Variants in FBXW11 observed in about 807,000 individuals in gnomAD.
FBXW11 encodes F-box/WD repeat-containing protein 11.
A neutral mutation model predicts 77.6 loss-of-function variants in FBXW11; 19 were observed. The ratio of observed to expected loss-of-function variants is 0.24; its 90% CI spans 0.17 to 0.36. The LOEUF (loss-of-function observed/expected upper bound fraction) is 0.36, where lower values mean the gene tolerates loss of function less well. FBXW11 is among the 10% of genes least tolerant of loss of function. The probability of loss-of-function intolerance (pLI) is 1.00; values close to 1 mark genes in which losing one functional copy is unlikely to be tolerated. For missense variants in FBXW11, 334 were observed against 704.2 expected (o/e 0.47, Z 5.95); for synonymous variants, 235 against 249.4 (o/e 0.94, Z 0.54).
chr5:171,972,782 T>G (rs548013827), intron 1 of FBXW11, among the ~76,000 whole-genome samples: 105 of 152,194 alleles, frequency 6.9e-4, no homozygotes, highest in Non-Finnish European at 1.4e-3. Flanking sequence ...TGACCTCAGG[T>G]GATCCACCCA....
intron 1 of FBXW11, among the ~76,000 whole-genome samples, chr5:172,001,239 T>G (rs1317123786): frequency 6.6e-6 from 1 of 151,984 alleles, no homozygotes; most frequent in Non-Finnish European, 1.5e-5. Flanking sequence ...TGCTGAGGAG[T>G]AACAGGGCAA....
intron 7 of FBXW11, among the ~76,000 whole-genome samples, chr5:171,883,774 T>C (rs890395524): frequency 6.6e-5 from 10 of 152,244 alleles, no homozygotes; most frequent in Non-Finnish European, 1.3e-4. Flanking sequence ...CATTTTTTCA[T>C]ATGTGTATTG....
chr5:171,950,993 T>C (rs1193448522), intron 2 of FBXW11, among the ~76,000 whole-genome samples: 3 of 152,058 alleles, frequency 2.0e-5, no homozygotes, highest in African/African-American at 7.2e-5. Flanking sequence ...TATACAATGA[T>C]AAAGAACAAA....
chr5:171,866,130 T>C (rs549227697), intron 13 of FBXW11, among the ~76,000 whole-genome samples: 1 of 152,218 alleles, frequency 6.6e-6, no homozygotes, highest in South Asian at 2.1e-4. Flanking sequence ...CTGGGTGTGA[T>C]GGCACATGCC....
intron 2 of FBXW11, among the ~76,000 whole-genome samples, chr5:171,935,493 A>T (rs1249887774): frequency 6.6e-6 from 1 of 152,228 alleles, no homozygotes; most frequent in Non-Finnish European, 1.5e-5. Context: ...GGCTCCAGGT[A>T]ATAGGGGAAA....
chr5:171,978,122 A>G (rs1764938201), intron 1 of FBXW11, among the ~76,000 whole-genome samples: 1 of 152,080 alleles, frequency 6.6e-6, no homozygotes, highest in Non-Finnish European at 1.5e-5. Flanking sequence ...ATGAGAACAA[A>G]TTATAATGCT....
chr5:171,993,216 A>G (rs1400490449), intron 1 of FBXW11, among the ~76,000 whole-genome samples: 2 of 152,068 alleles, frequency 1.3e-5, no homozygotes, highest in African/African-American at 2.4e-5. Flanking sequence ...CTATATGAAG[A>G]GAATATTCCA....
intron 1 of FBXW11, among the ~76,000 whole-genome samples, chr5:172,002,081 T>C (rs1394438746): frequency 2.0e-5 from 3 of 152,158 alleles, no homozygotes; most frequent in South Asian, 4.1e-4. Context: ...AGAACAAATA[T>C]CACAAGGTAG....
chr5:171,963,186 T>C (rs920699342), intron 1 of FBXW11, among the ~76,000 whole-genome samples: 2 of 150,506 alleles, frequency 1.3e-5, no homozygotes, highest in African/African-American at 4.9e-5. Context: ...TAAATACACA[T>C]ACACACACAC....
chr5:171,998,081 T>A (rs985221911), intron 1 of FBXW11, among the ~76,000 whole-genome samples: 32 of 152,160 alleles, frequency 2.1e-4, no homozygotes, highest in African/African-American at 6.8e-4. Flanking sequence ...TGGAGCACTA[T>A]GGACTCCACA....
At chr5:171,897,347 G>T (rs1759808106) in intron 6 of FBXW11, among the ~76,000 whole-genome samples, 1 of 152,154 alleles carries the variant, frequency 6.6e-6, no homozygotes, top group African/African-American at 2.4e-5. Context: ...ATCTGGAGAA[G>T]ACTTTTGTGG....
In FBXW11 at chr5:171,964,236, C is replaced by A. The variant is rs574973697; in HGVS notation, c.46-6538G>T. 4.0e-4 allele frequency among the ~76,000 whole-genome samples: 61 copies of A among 152,322 alleles called. 3 individuals are homozygous for A. In the South Asian group the frequency reaches 0.011, roughly 26 times the overall value. The stretch of plus-strand genomic sequence containing the variant: ...CAGTCTAGGTCCTTTTTTCTCCCCC[C>A]ACAAAACTTCCACCAGGCCCTACTG... On this transcript the variant is annotated intron_variant, in intron 1 of 13. Coordinates refer to ENST00000517395, the MANE Select transcript of FBXW11 (RefSeq NM_001378974.1).
chr5:171,977,389 AGTCT>A (rs1387149309), intron 1 of FBXW11, among the ~76,000 whole-genome samples: 30 of 152,154 alleles, frequency 2.0e-4, no homozygotes, highest in African/African-American at 6.8e-4. Flanking sequence ...TAAATTACCC[AGTCT>A]CAGGTATTTT....
chr5:171,998,495 C>T (rs187155624), intron 1 of FBXW11, among the ~76,000 whole-genome samples: 67 of 151,282 alleles, frequency 4.4e-4, no homozygotes, highest in African/African-American at 1.5e-3. Context: ...AATATTAATG[C>T]TAAAACAAAA....
At chr5:171,922,659 T>C (rs1183333806) in intron 2 of FBXW11, among the ~76,000 whole-genome samples, 1 of 152,222 alleles carries the variant, frequency 6.6e-6, no homozygotes, top group Non-Finnish European at 1.5e-5. Context: ...CTTTCTGCCA[T>C]CTCATAAAAA....
Position 171,950,702 on chromosome 5 carries a change from G to A in FBXW11, c.147+6895C>T, listed in dbSNP as rs558917377. Among the ~76,000 whole-genome samples the A allele has an allele frequency of 1.7e-4, 26 of 152,126 alleles. No individual in the cohort carries two copies. In the South Asian group the frequency reaches 3.5e-3, roughly 21 times the overall value. On this transcript the variant is annotated intron_variant, in intron 2 of 13. Transcript: ENST00000517395. Reference sequence around the variant, plus strand: ...GGAGTTCGAGAACAGCCTGGCCAACGTGGCAAAATCTCGTCTCCACTTAAA... The same window carrying A: ...GGAGTTCGAGAACAGCCTGGCCAACATGGCAAAATCTCGTCTCCACTTAAA...
chr5:171,976,295 G>C (rs1243550909), intron 1 of FBXW11, among the ~76,000 whole-genome samples: 1 of 152,112 alleles, frequency 6.6e-6, no homozygotes, highest in South Asian at 2.1e-4. Context: ...AGTCAATTAC[G>C]AGATGGTACT....
At chr5:171,957,179 G>A (rs1763657218) in intron 2 of FBXW11, among the ~76,000 whole-genome samples, 1 of 152,042 alleles carries the variant, frequency 6.6e-6, no homozygotes, top group Non-Finnish European at 1.5e-5. Flanking sequence ...TTTGAAGAGG[G>A]GAGAGAAAGC....
chr5:171,988,428 A>T (rs1192007923), intron 1 of FBXW11, among the ~76,000 whole-genome samples: 2 of 152,214 alleles, frequency 1.3e-5, no homozygotes, highest in East Asian at 1.9e-4. Context: ...CAAACCTGAG[A>T]CAATCTGAGC....
Sources: allele counts gnomAD v4.1 joint callset (sites outside exome capture counted in the v4.1 genomes callset), GRCh38; gene constraint gnomAD v4.1.1; transcripts MANE v1.5; gene names NCBI Gene and HGNC (gene_info 2026-07-23, HGNC 2026-07-21).